Variants in SUPT3H observed in about 807,000 individuals in gnomAD.
SUPT3H encodes the protein SPT3 homolog, SAGA and STAGA complex component.
In SUPT3H, 44 loss-of-function variants were observed where a neutral mutation model predicts 44.3. The observed-to-expected ratio is 0.99, with a 90% CI of 0.78 to 1.28. The LOEUF is 1.28. Among genes scored for constraint, SUPT3H ranks in the 50% most tolerant of loss-of-function variants. The pLI, the probability that SUPT3H is intolerant of heterozygous loss-of-function variation, is 0.00. For missense variants in SUPT3H, 380 were observed against 387.1 expected, an observed-to-expected ratio of 0.98 and a Z score of 0.15; for synonymous variants, 124 against 125.6, an observed-to-expected ratio of 0.99 and a Z score of 0.09.
chr6:45,014,367 T>G (rs1783933309), intron 5 of SUPT3H, among the ~76,000 whole-genome samples: 1 of 152,108 alleles, frequency 6.6e-6, no homozygotes. Flanking sequence ...AGGTATCAAG[T>G]GCTTTTCATA....
chr6:45,374,753 T>G (rs761257574), intron 1 of SUPT3H, among the ~76,000 whole-genome samples: 2 of 152,166 alleles, frequency 1.3e-5, no homozygotes, highest in Non-Finnish European at 2.9e-5. Context: ...AAAGATGATT[T>G]TCTTCCAGAG....
intron 9 of SUPT3H, among the ~76,000 whole-genome samples, chr6:44,953,083 A>C: frequency 6.6e-6 from 1 of 152,220 alleles, no homozygotes; most frequent in East Asian, 1.9e-4. Flanking sequence ...AGGAAAGCTA[A>C]GTGAAGCAAG....
intron 10 of SUPT3H, among the ~76,000 whole-genome samples, chr6:44,878,582 G>T (rs945775514): frequency 6.6e-6 from 1 of 152,052 alleles, no homozygotes; most frequent in African/African-American, 2.4e-5. Context: ...GAACACTTAC[G>T]CATTGCTCGT....
chr6:45,181,271 C>T (rs1813121329), intron 2 of SUPT3H, among the ~76,000 whole-genome samples: 2 of 140,422 alleles, frequency 1.4e-5, no homozygotes, highest in South Asian at 4.9e-4. Flanking sequence ...GTTGGTGGGA[C>T]TGTAAACTAG....
In SUPT3H at chr6:45,176,229, G is replaced by A. The variant is rs549619387; in HGVS notation, c.102-70223C>T. On this transcript the variant is annotated intron_variant, in intron 2 of 10. Transcript: ENST00000371459. ...GTCAGTGGGTGCGCGCACCGTGCGC[G>A]AGCCGAAGCAGGGCGAGGCATTGCC... 2.6e-3 allele frequency among the ~76,000 whole-genome samples: 395 copies of A among 151,932 alleles called. 3 individuals carry two copies. Among genetic ancestry groups the A allele is most frequent in the African/African-American group, 8.6e-3 (355 of 41,446 alleles).
intron 11 of SUPT3H, among the ~76,000 whole-genome samples, chr6:44,820,861 GT>G (rs920678982): frequency 6.6e-6 from 1 of 152,036 alleles, no homozygotes; most frequent in African/African-American, 2.4e-5. Context: ...AGTGATTTAT[GT>G]TTTTTTGAGA....
At position 44,897,401 on chromosome 6, in the gene SUPT3H, C is replaced by G. The variant is rs138620550; in HGVS notation, c.912+35252G>C. 3.9e-5 allele frequency among the ~76,000 whole-genome samples: 6 copies of G among 152,284 alleles called. No homozygotes were observed. In the East Asian group the frequency reaches 1.2e-3, roughly 29 times the overall value. Reference sequence around the variant, plus strand: ...TGGGAAAAACTCTCTGAACTATGTTCAGCAGTTCTTGGCTGTGGTCTTTTA... The same window carrying G: ...TGGGAAAAACTCTCTGAACTATGTTGAGCAGTTCTTGGCTGTGGTCTTTTA... On this transcript the variant is annotated intron_variant, in intron 10 of 10. Coordinates refer to ENST00000371459, the MANE Select transcript of SUPT3H (RefSeq NM_003599.4).
intron 2 of SUPT3H, among the ~76,000 whole-genome samples, chr6:45,268,499 T>C (rs965286242): frequency 5.9e-5 from 9 of 152,298 alleles, no homozygotes; most frequent in Non-Finnish European, 8.8e-5. Context: ...TCATTTAAAA[T>C]ACAATCTCCA....
intron 2 of SUPT3H, among the ~76,000 whole-genome samples, chr6:45,284,930 G>A (rs138195292): frequency 4.6e-5 from 7 of 152,270 alleles, no homozygotes; most frequent in African/African-American, 1.7e-4. Flanking sequence ...ATGGAAGGCT[G>A]GTTCAACATA....
intron 2 of SUPT3H, among the ~76,000 whole-genome samples, chr6:45,161,174 G>A (rs1446816512): frequency 6.6e-6 from 1 of 152,076 alleles, no homozygotes; most frequent in Non-Finnish European, 1.5e-5. Flanking sequence ...TGTACAGCCT[G>A]TAGAACTGTG....
rs372688845 is a variant in SUPT3H, at chr6:45,283,190, T to C, written c.101+82011A>G. ...AAACTGCATCAACTAACGAGCAAAA[T>C]AACCAGCTAACATCATAATGACAGG... On this transcript the variant is annotated intron_variant, in intron 2 of 10. Transcript: ENST00000371459. 9.0e-3 allele frequency among the ~76,000 whole-genome samples: 1,373 copies of C among 152,096 alleles called. 28 individuals carry two copies. The highest frequency in any genetic ancestry group is 0.032 in the South Asian group (152 of 4,818).
At chr6:45,299,388 T>G (rs986463113) in intron 2 of SUPT3H, among the ~76,000 whole-genome samples, 1 of 151,776 alleles carries the variant, frequency 6.6e-6, no homozygotes, top group Admixed American at 6.6e-5. Context: ...GATGACTATG[T>G]TAAAAACAAA....
intron 6 of SUPT3H, among the ~76,000 whole-genome samples, chr6:44,986,517 G>T (rs901750857): frequency 1.3e-5 from 2 of 152,096 alleles, no homozygotes; most frequent in African/African-American, 2.4e-5. Flanking sequence ...CTTGGCTATG[G>T]TCAATTAAAA....
intron 7 of SUPT3H, among the ~76,000 whole-genome samples, chr6:44,958,308 A>T (rs1022460368): frequency 6.6e-6 from 1 of 152,152 alleles, no homozygotes; most frequent in Non-Finnish European, 1.5e-5. Flanking sequence ...GTTTCTTGCA[A>T]TATTCCATTC....
chr6:44,908,739 T>C (rs945818370), intron 10 of SUPT3H, among the ~76,000 whole-genome samples: 1 of 152,104 alleles, frequency 6.6e-6, no homozygotes, highest in Non-Finnish European at 1.5e-5. Context: ...GGTAGGTATA[T>C]ATAATTCCTG....
chr6:44,976,543 A>C (rs1217876897), intron 6 of SUPT3H, among the ~76,000 whole-genome samples: 1 of 151,942 alleles, frequency 6.6e-6, no homozygotes, highest in Non-Finnish European at 1.5e-5. Context: ...TTGTATTTTT[A>C]GTAGAGACGG....
intron 2 of SUPT3H, among the ~76,000 whole-genome samples, chr6:45,219,646 TC>T (rs1338036754): frequency 1.3e-5 from 2 of 151,932 alleles, no homozygotes; most frequent in Non-Finnish European, 2.9e-5. Flanking sequence ...ATTTTATAGC[TC>T]CCCCCAATTC....
At chr6:45,350,822 T>C (rs1042412303) in intron 2 of SUPT3H, among the ~76,000 whole-genome samples, 1 of 152,152 alleles carries the variant, frequency 6.6e-6, no homozygotes, top group African/African-American at 2.4e-5. Flanking sequence ...ATGAAGTCTT[T>C]ACATTTTCAG....
At chr6:45,324,021 C>T (rs1010337116) in intron 2 of SUPT3H, among the ~76,000 whole-genome samples, 3 of 152,002 alleles carry the variant, frequency 2.0e-5, no homozygotes, top group African/African-American at 7.2e-5. Context: ...TGTAACATTG[C>T]ATTGTGGGTA....
Sources: gnomAD v4.1 joint callset for allele counts (sites outside exome capture counted in the v4.1 genomes callset) on GRCh38, gnomAD v4.1.1 for gene constraint, MANE v1.5 for transcripts, NCBI Gene and HGNC (gene_info 2026-07-23, HGNC 2026-07-21) for gene names.